Variants in PPP4R4 observed in about 807,000 individuals in gnomAD.
PPP4R4 encodes serine/threonine-protein phosphatase 4 regulatory subunit 4.
Under a neutral mutation model 121.8 loss-of-function variants are expected in PPP4R4, and 70 were observed. That is an observed-to-expected ratio of 0.57 (90% CI 0.47 to 0.70). The LOEUF (loss-of-function observed/expected upper bound fraction) is 0.70. PPP4R4 is among the 30% of genes least tolerant of loss of function. The pLI is 0.00. For synonymous variants in PPP4R4, 348 were observed against 355.7 expected, an observed-to-expected ratio of 0.98 and a Z score of 0.24; for missense variants, 875 against 1,033.6, an observed-to-expected ratio of 0.85 and a Z score of 2.10.
intron 2 of PPP4R4, among the ~76,000 whole-genome samples, chr14:94,196,698 C>A (rs1293368583): frequency 6.6e-6 from 1 of 151,986 alleles, no homozygotes; most frequent in Non-Finnish European, 1.5e-5. Context: ...TCTTTTTCTT[C>A]TTTCTAGTTT....
chr14:94,259,577 A>T (rs1405673707), intron 19 of PPP4R4, among the ~76,000 whole-genome samples: 2 of 152,230 alleles, frequency 1.3e-5, no homozygotes, highest in Non-Finnish European at 2.9e-5. Context: ...ACTTTGCTGA[A>T]GTATAATTGA....
chr14:94,250,661 A>T (rs371900501), intron 15 of PPP4R4, among the ~76,000 whole-genome samples: 30 of 152,040 alleles, frequency 2.0e-4, no homozygotes, highest in African/African-American at 7.2e-4. Context: ...CTTTGAATAG[A>T]GTTGATAGTA....
intron 3 of PPP4R4, chr14:94,227,371 A>C: frequency 6.2e-7 from 1 of 1,610,838 alleles, no homozygotes; most frequent in Non-Finnish European, 8.5e-7. Context: ...GGAGGAGAAC[A>C]CTTACTGGTA....
At chr14:94,194,574 T>G (rs1391273742) in intron 2 of PPP4R4, among the ~76,000 whole-genome samples, 1 of 152,192 alleles carries the variant, frequency 6.6e-6, no homozygotes, top group Non-Finnish European at 1.5e-5. Context: ...TTGGGTTTCT[T>G]CTAGTCAGTG....
intron 2 of PPP4R4, among the ~76,000 whole-genome samples, chr14:94,202,109 C>T (rs1402658927): frequency 6.6e-6 from 1 of 151,926 alleles, no homozygotes; most frequent in Non-Finnish European, 1.5e-5. Flanking sequence ...GCTATGAGGA[C>T]GCAAAGGCAT....
intron 2 of PPP4R4, among the ~76,000 whole-genome samples, chr14:94,188,962 A>C (rs1218678348): frequency 1.3e-5 from 2 of 152,188 alleles, no homozygotes; most frequent in Non-Finnish European, 2.9e-5. Context: ...AACTCAAAAA[A>C]TTATTTTAGA....
chr14:94,264,131 T>G (rs1394702205), intron 19 of PPP4R4, among the ~76,000 whole-genome samples: 2 of 152,142 alleles, frequency 1.3e-5, no homozygotes, highest in Non-Finnish European at 2.9e-5. Context: ...CTATAATTTG[T>G]GTACTTTCTT....
chr14:94,187,128 A>T (rs1236530761), intron 2 of PPP4R4, among the ~76,000 whole-genome samples: 1 of 152,156 alleles, frequency 6.6e-6, no homozygotes, highest in Non-Finnish European at 1.5e-5. Flanking sequence ...CCTGGCCAAC[A>T]TGGTGAAACC....
intron 24 of PPP4R4, 87 bp from the exon 25 acceptor site, chr14:94,278,532 C>A: frequency 1.3e-6 from 1 of 749,372 alleles, no homozygotes; most frequent in Non-Finnish European, 2.1e-6. Flanking sequence ...ATATGAATAA[C>A]ATTTTTCATA....
intron 20 of PPP4R4, 41 bp downstream of exon 20, chr14:94,264,988 T>C (rs1348595175): frequency 7.3e-7 from 1 of 1,367,804 alleles, no homozygotes; most frequent in African/African-American, 1.5e-5. Context: ...AATTACATAA[T>C]TAATGTTGCA....
At chr14:94,218,525 T>C (rs868611688) in intron 3 of PPP4R4, among the ~76,000 whole-genome samples, 1 of 35,782 alleles carries the variant, frequency 2.8e-5, no homozygotes, top group African/African-American at 1.2e-4. Context: ...CACACCCCCC[T>C]CACCTCTAGA....
chr14:94,225,870 T>C (rs1333852002), intron 3 of PPP4R4, among the ~76,000 whole-genome samples: 1 of 152,200 alleles, frequency 6.6e-6, no homozygotes, highest in African/African-American at 2.4e-5. Context: ...AAAAGCCCTG[T>C]TTCCTCTTTC....
chr14:94,252,184 T>C (rs1893222368), intron 16 of PPP4R4, among the ~76,000 whole-genome samples: 1 of 152,144 alleles, frequency 6.6e-6, no homozygotes, highest in East Asian at 1.9e-4. Context: ...GATTAGAAGG[T>C]TGAGTAGATG....
intron 1 of PPP4R4, 67 bp from the exon 2 acceptor site, chr14:94,175,987 T>TA: frequency 8.2e-7 from 1 of 1,225,972 alleles, no homozygotes; most frequent in Middle Eastern, 1.9e-4. Context: ...AGAGGGTCAC[T>TA]GGGAGGTTGG....
intron 3 of PPP4R4, among the ~76,000 whole-genome samples, chr14:94,212,376 C>T (rs2139460843): frequency 6.6e-6 from 1 of 152,196 alleles, no homozygotes; most frequent in East Asian, 1.9e-4. Flanking sequence ...TCTAGAATAA[C>T]TAACAAAGAA....
chr14:94,188,775 T>C (rs2139397662), intron 2 of PPP4R4, among the ~76,000 whole-genome samples: 1 of 152,304 alleles, frequency 6.6e-6, no homozygotes, highest in South Asian at 2.1e-4. Flanking sequence ...ACATGTTGAT[T>C]AGCTTTACTG....
At chr14:94,267,489 C>T (rs1894107098) in intron 23 of PPP4R4, among the ~76,000 whole-genome samples, 1 of 152,156 alleles carries the variant, frequency 6.6e-6, no homozygotes, top group Non-Finnish European at 1.5e-5. Context: ...CCAAATTGAA[C>T]TCTGCTGTTA....
In PPP4R4 at chr14:94,278,874, C is replaced by T. The variant is rs955532475; in HGVS notation, c.*231C>T. 19 of 303,042 alleles carry T rather than the reference C, an allele frequency of 6.3e-5. No individual in the cohort carries two copies. The highest frequency in any genetic ancestry group is 2.5e-4 in the Admixed American group (5 of 19,800). The allele number at this position is 303,042 out of a possible 1,614,324, so 18.8% of individuals were successfully genotyped here. A position where few individuals can be genotyped will look rare whatever the true frequency, so the allele number is the denominator to read the frequency against. On this transcript the variant is annotated 3_prime_UTR_variant, in exon 25 of 25. Transcript: ENST00000304338. ...TATTTCTTGAGTAATAATGTGGTTA[C>T]GGAATTCCAATGTTATAGTGAAGTG... is the stretch of plus-strand genomic sequence containing the variant.
At position 94,256,583 on chromosome 14, in the gene PPP4R4, T is replaced by C. The variant is rs372613950; in HGVS notation, c.1989T>C (p.Asp663=). 8 of 1,606,748 alleles carry C rather than the reference T, an allele frequency of 5.0e-6. No homozygotes were observed. The African/African-American group carries it at 5.4e-5, about 11-fold the overall frequency. ...TCCTGTGTCAAGAAAAAGATAAAGA[T>C]GTTCTGGCTATTGTAAAAAGAGTAA... is the stretch of plus-strand genomic sequence containing the variant. The part of the protein sequence containing the change: ...RKLLCQEKDK[D]VLAIVKRTVL... Residue 663 remains aspartate, a synonymous_variant, in exon 17 of 25, where the codon GAT becomes GAC. Transcript: ENST00000304338.
Sources: allele counts gnomAD v4.1 joint callset (sites outside exome capture counted in the v4.1 genomes callset), GRCh38; gene constraint gnomAD v4.1.1; transcripts MANE v1.5; gene names NCBI Gene and HGNC (gene_info 2026-07-23, HGNC 2026-07-21).